The following GRIK1 variants were observed in gnomAD, a reference collection of about 807,000 sequenced individuals.
GRIK1 encodes the protein glutamate ionotropic receptor kainate type subunit 1.
In GRIK1, 69 loss-of-function variants were observed where a neutral mutation model predicts 105.7. The observed-to-expected ratio is 0.65, with a 90% CI of 0.54 to 0.80. The LOEUF is 0.80. Among genes scored for constraint, GRIK1 ranks in the 30% least tolerant of loss-of-function variants. The pLI is 0.00. For synonymous variants in GRIK1, 438 were observed against 431.3 expected, an observed-to-expected ratio of 1.02 and a Z score of -0.19; for missense variants, 1,109 against 1,167.3, an observed-to-expected ratio of 0.95 and a Z score of 0.73.
chr21:29,606,793 T>TTCTTG (rs3831787), intron 7 of GRIK1, among the ~76,000 whole-genome samples: 70 of 147,640 alleles, frequency 4.7e-4, no homozygotes, highest in East Asian at 9.0e-4. Context: ...TCTCTGTTGT[T>TTCTTG]TCTTGTCTTG....
chr21:29,783,059 T>C (rs937484713), intron 1 of GRIK1, among the ~76,000 whole-genome samples: 3 of 152,208 alleles, frequency 2.0e-5, no homozygotes, highest in Admixed American at 2.0e-4. Context: ...CACATTAAAG[T>C]ATCCATTTCT....
At chr21:29,667,960 A>G (rs557032331) in intron 4 of GRIK1, among the ~76,000 whole-genome samples, 2 of 152,336 alleles carry the variant, frequency 1.3e-5, no homozygotes, top group Admixed American at 1.3e-4. Context: ...CCTTTCTTTC[A>G]GGTAACAGGC....
chr21:29,771,252 A>G (rs191644180), intron 1 of GRIK1, among the ~76,000 whole-genome samples: 5 of 152,338 alleles, frequency 3.3e-5, no homozygotes, highest in African/African-American at 1.2e-4. Context: ...TGGCTGCCCT[A>G]AAAACAGCTA....
rs1434127154 is a variant in GRIK1, at chr21:29,834,756, ATAT to A, written c.118+104624_118+104626del. Among the ~76,000 whole-genome samples the A allele has an allele frequency of 5.3e-5, 8 of 151,014 alleles. No individual in the cohort carries two copies. In the East Asian group the frequency reaches 7.7e-4, roughly 15 times the overall value. On this transcript the variant is annotated intron_variant, in intron 1 of 17. Transcript: ENST00000327783. Reference sequence around the variant, plus strand: ...TAGCACATTTCTGGCATTAGTATTAATATTATTAATATTAATTAATATTCATCC... The same window carrying A: ...TAGCACATTTCTGGCATTAGTATTAATATTAATATTAATTAATATTCATCC...
intron 10 of GRIK1, among the ~76,000 whole-genome samples, 189 bp from the exon 11 acceptor site, chr21:29,589,231 C>T (rs143814957): frequency 1.5e-4 from 23 of 152,212 alleles, no homozygotes; most frequent in African/African-American, 5.5e-4. Context: ...GTTTCTTTCC[C>T]TTCTGCGTCT....
At chr21:29,830,073 G>C (rs1385521725) in intron 1 of GRIK1, among the ~76,000 whole-genome samples, 1 of 152,128 alleles carries the variant, frequency 6.6e-6, no homozygotes, top group African/African-American at 2.4e-5. Flanking sequence ...GACACCATAT[G>C]TTCTAAAATA....
chr21:29,900,061 C>T (rs1240171265), intron 1 of GRIK1, among the ~76,000 whole-genome samples: 36 of 145,900 alleles, frequency 2.5e-4, no homozygotes, highest in Non-Finnish European at 4.6e-4. Context: ...CACCACCAGG[C>T]CTGCCTTATG....
At chr21:29,576,424 A>T (rs1353578146) in intron 14 of GRIK1, among the ~76,000 whole-genome samples, 1 of 152,180 alleles carries the variant, frequency 6.6e-6, no homozygotes, top group African/African-American at 2.4e-5. Flanking sequence ...GTCCTTCATC[A>T]ATGCGGACTC....
chr21:29,801,325 T>C (rs578230882), intron 1 of GRIK1, among the ~76,000 whole-genome samples: 1 of 152,096 alleles, frequency 6.6e-6, no homozygotes, highest in South Asian at 2.1e-4. Flanking sequence ...TAAATAGTAC[T>C]TACCTCTTTT....
intron 1 of GRIK1, among the ~76,000 whole-genome samples, chr21:29,727,666 GAACTGTCCATGTAGGGAAGTAGAA>G (rs1036476376): frequency 5.9e-5 from 9 of 152,174 alleles, no homozygotes; most frequent in African/African-American, 2.2e-4. Flanking sequence ...TAAATGTCCG[GAACTGTCCATGTAGGGAAGTAGAA>G]AACTGGACAG....
chr21:29,751,253 A>T (rs1269025460), intron 1 of GRIK1, among the ~76,000 whole-genome samples: 2 of 152,312 alleles, frequency 1.3e-5, no homozygotes, highest in East Asian at 3.9e-4. Flanking sequence ...ATTATATTTG[A>T]TATATCTTAT....
chr21:29,581,927 A>G (rs2091031749), intron 12 of GRIK1, among the ~76,000 whole-genome samples: 1 of 152,192 alleles, frequency 6.6e-6, no homozygotes, highest in Non-Finnish European at 1.5e-5. Context: ...CACTTGTTGC[A>G]TAGTAACTAC....
chr21:29,770,889 A>G (rs1256256102), intron 1 of GRIK1, among the ~76,000 whole-genome samples: 5 of 152,252 alleles, frequency 3.3e-5, no homozygotes, highest in Admixed American at 3.3e-4. Flanking sequence ...ACCTTATTTC[A>G]GTATGAAACA....
chr21:29,597,302 T>C (rs1401084294), intron 8 of GRIK1, among the ~76,000 whole-genome samples: 1 of 152,314 alleles, frequency 6.6e-6, no homozygotes, highest in African/African-American at 2.4e-5. Context: ...CTAATTTGAT[T>C]TTGCCTTTGA....
intron 1 of GRIK1, among the ~76,000 whole-genome samples, chr21:29,724,406 C>T (rs892411200): frequency 1.9e-4 from 29 of 152,292 alleles, no homozygotes; most frequent in African/African-American, 7.0e-4. Flanking sequence ...CCACTGAGGG[C>T]TGTTCCTATA....
At chr21:29,584,058 A>T (rs967581498) in intron 12 of GRIK1, among the ~76,000 whole-genome samples, 1 of 152,186 alleles carries the variant, frequency 6.6e-6, no homozygotes, top group South Asian at 2.1e-4. Flanking sequence ...GAGTAGCCTT[A>T]TGTTGAAATG....
At chr21:29,612,010 G>GT (rs1568884833) in intron 7 of GRIK1, among the ~76,000 whole-genome samples, 1 of 152,076 alleles carries the variant, frequency 6.6e-6, no homozygotes, top group Admixed American at 6.5e-5. Context: ...AGTTTCTCTG[G>GT]TTCACCTAGC....
rs540691691 is a variant in GRIK1, at chr21:29,872,710, G to T, written c.118+66673C>A. ...GTGAAAGGCACGGTCTTATATGGTGGCAGGCAAAAGAGAAGCTTGTGCAGG... is the reference window on the plus strand; with the variant it reads ...GTGAAAGGCACGGTCTTATATGGTGTCAGGCAAAAGAGAAGCTTGTGCAGG... On this transcript the variant is annotated intron_variant, in intron 1 of 17. Coordinates refer to ENST00000327783, the MANE Select transcript of GRIK1 (RefSeq NM_001330994.2). Among the ~76,000 whole-genome samples, 11 of 152,308 alleles carry T rather than the reference G, an allele frequency of 7.2e-5. No individual in the cohort carries two copies. The East Asian group carries it at 2.1e-3, about 29-fold the overall frequency.
intron 1 of GRIK1, among the ~76,000 whole-genome samples, chr21:29,877,682 G>A (rs1295317308): frequency 6.6e-6 from 1 of 152,070 alleles, no homozygotes; most frequent in African/African-American, 2.4e-5. Context: ...AATGTCAAGA[G>A]TTTATTCTTA....
Sources: allele counts gnomAD v4.1 joint callset (sites outside exome capture counted in the v4.1 genomes callset), GRCh38; gene constraint gnomAD v4.1.1; transcripts MANE v1.5; gene names NCBI Gene and HGNC (gene_info 2026-07-23, HGNC 2026-07-21).